TAF3: variants seen among roughly 807,000 people sequenced by gnomAD.
TAF3 encodes the protein transcription initiation factor TFIID subunit 3.
A neutral mutation model predicts 80.6 loss-of-function variants in TAF3; 7 were observed. That is an observed-to-expected ratio of 0.09 (90% CI 0.05 to 0.16). The LOEUF is 0.16. Ranked by LOEUF, TAF3 falls within the 10% of genes least tolerant of loss-of-function variation. TAF3 has a pLI of 1.00. For synonymous variants in TAF3, 444 were observed against 446.1 expected (o/e 1.00, Z 0.06); for missense variants, 921 against 1,140.2 (o/e 0.81, Z 2.77).
chr10:7,906,021 G>A (rs911286019), intron 2 of TAF3, among the ~76,000 whole-genome samples: 6 of 152,196 alleles, frequency 3.9e-5, no homozygotes, highest in African/African-American at 1.4e-4. Flanking sequence ...AAATGTAATA[G>A]AATGTGCTTT....
At chr10:8,011,212 A>G (rs1832052739) in intron 5 of TAF3, among the ~76,000 whole-genome samples, 1 of 152,064 alleles carries the variant, frequency 6.6e-6, no homozygotes, top group African/African-American at 2.4e-5. Flanking sequence ...GACTCATGGT[A>G]TTTGTTGTTA....
intron 2 of TAF3, among the ~76,000 whole-genome samples, chr10:7,828,190 G>A (rs1007929678): frequency 6.6e-6 from 1 of 152,142 alleles, no homozygotes; most frequent in African/African-American, 2.4e-5. Flanking sequence ...CAATGATTGA[G>A]CCTGTGAATG....
intron 2 of TAF3, among the ~76,000 whole-genome samples, chr10:7,941,543 C>G (rs1837976060): frequency 6.6e-6 from 1 of 152,168 alleles, no homozygotes; most frequent in Non-Finnish European, 1.5e-5. Flanking sequence ...TGCTCTTTGG[C>G]ACAATCTGAC....
chr10:7,838,908 G>GTTTTTTTTTTTTTTTTTTTTTTTTTTTTT (rs71505463), intron 2 of TAF3, among the ~76,000 whole-genome samples: 1 of 101,866 alleles, frequency 9.8e-6, no homozygotes, highest in Non-Finnish European at 1.9e-5. Context: ...GGCATTGCTT[G>GTTTTTTTTTTTTTTTTTTTTTTTTTTTTT]TTTTTTTTTT....
chr10:7,897,710 A>G (rs1837518703), intron 2 of TAF3, among the ~76,000 whole-genome samples: 1 of 143,886 alleles, frequency 6.9e-6, no homozygotes, highest in Admixed American at 7.2e-5. Context: ...ACCCAGGTTG[A>G]GTGCAGTGGT....
At chr10:7,922,705 T>C (rs1175636314) in intron 2 of TAF3, among the ~76,000 whole-genome samples, 9 of 152,070 alleles carry the variant, frequency 5.9e-5, no homozygotes, top group African/African-American at 9.7e-5. Context: ...TACTAAGTTA[T>C]TGGTGTTTCA....
intron 2 of TAF3, among the ~76,000 whole-genome samples, chr10:7,863,101 A>C (rs1323442949): frequency 6.6e-6 from 1 of 152,186 alleles, no homozygotes; most frequent in East Asian, 1.9e-4. Flanking sequence ...TCTTCTGTGA[A>C]AATCCAGGAA....
Position 7,907,006 on chromosome 10 carries a change from C to T in TAF3, c.410-56914C>T, listed in dbSNP as rs111939138. Among the ~76,000 whole-genome samples, 1,223 of 152,218 alleles carry T rather than the reference C, an allele frequency of 8.0e-3. 9 individuals are homozygous for T. Among genetic ancestry groups the T allele is most frequent in the South Asian group, 0.014 (68 of 4,804 alleles). ...CCCTAACCCCTTACTTTCTCCCATT[C>T]ATTTTGGGCTGAAATTTAGGTGACT... On this transcript the variant is annotated intron_variant, in intron 2 of 6. Coordinates refer to ENST00000344293, the MANE Select transcript of TAF3 (RefSeq NM_031923.4).
intron 2 of TAF3, among the ~76,000 whole-genome samples, chr10:7,939,378 A>G (rs547033707): frequency 3.5e-4 from 54 of 152,284 alleles, no homozygotes; most frequent in South Asian, 1.5e-3. Flanking sequence ...GGGAAAATAC[A>G]TACTGACAAT....
intron 2 of TAF3, among the ~76,000 whole-genome samples, chr10:7,862,001 C>T (rs189440436): frequency 3.0e-4 from 45 of 152,038 alleles, no homozygotes; most frequent in Admixed American, 1.6e-3. Flanking sequence ...TTATTCTGTC[C>T]GTTCTTCCAA....
chr10:7,991,463 CCAAA>C (rs757668649), intron 4 of TAF3, among the ~76,000 whole-genome samples: 9 of 151,314 alleles, frequency 5.9e-5, no homozygotes, highest in East Asian at 1.9e-4. Context: ...GTTTTTTTTC[CCAAA>C]CAAATTGTTA....
intron 2 of TAF3, among the ~76,000 whole-genome samples, chr10:7,863,436 C>T (rs760266955): frequency 4.0e-5 from 6 of 150,956 alleles, no homozygotes; most frequent in African/African-American, 1.2e-4. Flanking sequence ...GATGGTGAAA[C>T]CCCGTCTCTA....
chr10:7,999,381 G>C (rs1831921018), intron 4 of TAF3, among the ~76,000 whole-genome samples: 1 of 149,508 alleles, frequency 6.7e-6, no homozygotes, highest in Admixed American at 6.7e-5. Flanking sequence ...TCTTTGAAAA[G>C]GCAAGACCCA....
At chr10:7,948,700 CAG>C (rs1252197580) in intron 2 of TAF3, among the ~76,000 whole-genome samples, 2 of 152,188 alleles carry the variant, frequency 1.3e-5, no homozygotes, top group Non-Finnish European at 2.9e-5. Context: ...TGGAATGAGA[CAG>C]GGATAGATAC....
intron 5 of TAF3, among the ~76,000 whole-genome samples, chr10:8,010,302 A>G (rs539914987): frequency 3.1e-4 from 47 of 152,232 alleles, no homozygotes; most frequent in Non-Finnish European, 4.9e-4. Flanking sequence ...TCCATAAATC[A>G]TATCAAAGCT....
Position 7,818,695 on chromosome 10 carries a change from C to A in TAF3, c.-15C>A. The A allele has an allele frequency of 6.2e-7, 1 of 1,600,842 alleles. No individual in the cohort carries two copies. Among genetic ancestry groups the A allele is most frequent in the South Asian group, 1.1e-5 (1 of 90,552 alleles). On this transcript the variant is annotated 5_prime_UTR_variant, in exon 1 of 7. Coordinates refer to ENST00000344293, the MANE Select transcript of TAF3 (RefSeq NM_031923.4). ...GCAGTGGCAGCAAGGGCTGCGGTGG[C>A]GTCCACGCAGCGGGATGTGCGAGAG... is the stretch of plus-strand genomic sequence containing the variant.
chr10:7,990,663 G>T (rs1486468825), intron 4 of TAF3, among the ~76,000 whole-genome samples: 1 of 152,166 alleles, frequency 6.6e-6, no homozygotes, highest in African/African-American at 2.4e-5. Flanking sequence ...GCATTTGGCT[G>T]TTCTGCTTAT....
chr10:7,975,070 C>CAAA (rs35755700), intron 3 of TAF3: 344 of 175,632 alleles, frequency 2.0e-3, no homozygotes, highest in African/African-American at 5.6e-3. Flanking sequence ...GACTCTGTCT[C>CAAA]AAAAAAAAAA....
rs1199312151 is a variant in TAF3, at chr10:7,896,246, T to C, written c.410-67674T>C. Among the ~76,000 whole-genome samples, 7 of 152,306 alleles carry C rather than the reference T, an allele frequency of 4.6e-5. No homozygotes were observed. The South Asian group carries it at 1.5e-3, about 32-fold the overall frequency. On this transcript the variant is annotated intron_variant, in intron 2 of 6. Coordinates refer to ENST00000344293, the MANE Select transcript of TAF3 (RefSeq NM_031923.4). ...TAATAACCCTTCTCTATATTCTTTT[T>C]CTCAGATCTTTACTCTTGTGACTCC...
Sources: gnomAD v4.1 joint callset for allele counts (sites outside exome capture counted in the v4.1 genomes callset) on GRCh38, gnomAD v4.1.1 for gene constraint, MANE v1.5 for transcripts, NCBI Gene and HGNC (gene_info 2026-07-23, HGNC 2026-07-21) for gene names.